CCNF: variants seen among roughly 807,000 people sequenced by gnomAD.
The protein encoded by CCNF is cyclin-F.
In CCNF, 30 loss-of-function variants were observed where a neutral mutation model predicts 85.4. That is an observed-to-expected ratio of 0.35 (90% CI 0.26 to 0.48). CCNF has a LOEUF of 0.48. CCNF is among the 20% of genes least tolerant of loss of function. CCNF has a pLI of 0.99. For synonymous variants in CCNF, 439 were observed against 425.1 expected (o/e 1.03, Z -0.40); for missense variants, 919 against 1,010.4 (o/e 0.91, Z 1.23).
At position 2,429,458 on chromosome 16, in the gene CCNF, G is replaced by T; in HGVS notation, c.-24G>T. 8.2e-7 allele frequency: 1 copy of T among 1,222,322 alleles called. No homozygotes were observed. The allele number at this position is 1,222,322 out of a possible 1,614,324, so 75.7% of individuals were successfully genotyped here. A position where few individuals can be genotyped will look rare whatever the true frequency, so the allele number is the denominator to read the frequency against. On this transcript the variant is annotated 5_prime_UTR_variant, in exon 1 of 17. Transcript: ENST00000397066. ...GCGGGCGCGCTCTCAGGCGGGCTCC[G>T]GCGGCAGCGACGCGAGCGCGGCGAT...
rs1440949823 is a variant in CCNF at position 2,437,177 on chromosome 16, C to G, written c.395C>G (p.Ser132Cys). The change falls in exon 5 of 17, where the codon TCT becomes TGT. Residue 132 changes from serine to cysteine, a missense_variant. Around this residue, in one of 3 missense-constraint regions of CCNF, gnomAD observed 410 missense variants for 478.6 expected, o/e 0.86. Transcript: ENST00000397066. Reference protein sequence around the residue: ...ARAEVNGLKASRFFSLAERLN... With the variant: ...ARAEVNGLKACRFFSLAERLN... ...GCAGAAGTGAATGGCCTGAAGGCCT[C>G]TCGCTTCTTCAGTCTCGCTGAGCGG... The G allele has an allele frequency of 1.2e-6, 2 of 1,611,556 alleles. No homozygotes were observed. The highest frequency in any genetic ancestry group is 1.7e-5 in the Admixed American group (1 of 59,930).
chr16:2,437,017 C>T, intron 4 of CCNF, 112 bp from the exon 5 acceptor site: 2 of 870,630 alleles, frequency 2.3e-6, no homozygotes, highest in Non-Finnish European at 3.4e-6. Flanking sequence ...AACACAGCTG[C>T]TTTGCACTAT....
Position 2,457,563 on chromosome 16 carries a change from T to C in CCNF, c.*543T>C. The C allele has an allele frequency of 6.4e-6, 1 of 156,208 alleles. No individual in the cohort carries two copies. The highest frequency in any genetic ancestry group is 6.2e-5 in the Admixed American group (1 of 16,104). 9.7% of individuals were successfully genotyped at this position (156,208 alleles called of 1,614,324 possible). ...GTGGGGCTTCCATGGTAAGGGGGCCTGCGTCCCTGCACACTGCGAGGACTG... is the reference window on the plus strand; with the variant it reads ...GTGGGGCTTCCATGGTAAGGGGGCCCGCGTCCCTGCACACTGCGAGGACTG... On this transcript the variant is annotated 3_prime_UTR_variant, in exon 17 of 17. Coordinates refer to ENST00000397066, the MANE Select transcript of CCNF (RefSeq NM_001761.3).
At chr16:2,432,656 C>G (rs1044319975) in intron 2 of CCNF, among the ~76,000 whole-genome samples, 1 of 152,152 alleles carries the variant, frequency 6.6e-6, no homozygotes, top group Non-Finnish European at 1.5e-5. Flanking sequence ...GAGTGTTTCC[C>G]CTGTCTTTGG....
intron 10 of CCNF, among the ~76,000 whole-genome samples, chr16:2,445,837 T>TTA (rs2065359607): frequency 6.6e-6 from 1 of 151,930 alleles, no homozygotes; most frequent in Non-Finnish European, 1.5e-5. Flanking sequence ...AAGTGATTCT[T>TTA]CTGCCTCAGC....
chr16:2,453,399 C>G lies in CCNF; in HGVS notation c.1588-11C>G, dbSNP rs374561010. On this transcript the variant is annotated splice_polypyrimidine_tract_variant and intron_variant, in intron 14 of 16. Coordinates refer to ENST00000397066, the MANE Select transcript of CCNF (RefSeq NM_001761.3). The surrounding 1 kb of genome is among the most constrained non-coding windows in gnomAD (Gnocchi z 5.6). Reference sequence around the variant, plus strand: ...GGGCCTCTGCACCCCCTAACTCTAGCTTCCCCTCAGGTGCTGAGCTACAGC... The same window carrying G: ...GGGCCTCTGCACCCCCTAACTCTAGGTTCCCCTCAGGTGCTGAGCTACAGC... 70 of 1,613,984 alleles carry G rather than the reference C, an allele frequency of 4.3e-5. No homozygotes were observed. In the African/African-American group the frequency reaches 8.3e-4, roughly 19 times the overall value.
At chr16:2,440,131 T>G (rs527349381) in intron 8 of CCNF, among the ~76,000 whole-genome samples, 44 of 152,342 alleles carry the variant, frequency 2.9e-4, no homozygotes, top group African/African-American at 1.0e-3. Context: ...GTGCCATTCT[T>G]GAAAGTTGTC....
chr16:2,449,978 G>A (rs1165289603), intron 13 of CCNF, 63 bp downstream of exon 13: 13 of 1,154,638 alleles, frequency 1.1e-5, no homozygotes, highest in South Asian at 3.7e-5. Context: ...AGGCCGAGGC[G>A]GGCAGATCAT....
chr16:2,456,752 C>T lies in CCNF; in HGVS notation c.2093C>T (p.Thr698Met), dbSNP rs201460257. 2.1e-5 allele frequency: 34 copies of T among 1,612,320 alleles called. No homozygotes were observed. The East Asian group carries it at 6.0e-4, about 29-fold the overall frequency. ...AGCCGGGAGCCAGGGAAGGACGTCA[C>T]GACCTCAGGGTACTCCTCCGTCAGC... ...RTSREPGKDV[T>M]TSGYSSVSTA... Residue 698 changes from threonine to methionine, a missense_variant, in exon 17 of 17, where the codon ACG becomes ATG. Transcript: ENST00000397066. This position sits in a 1 kb window ranked among gnomAD's most constrained non-coding sequence, Gnocchi z 4.5.
intron 6 of CCNF, 99 bp from the exon 7 acceptor site, chr16:2,439,254 C>T (rs950866052): frequency 6.2e-6 from 6 of 968,970 alleles, no homozygotes; most frequent in African/African-American, 3.2e-5. Flanking sequence ...GCCAGGATGG[C>T]GCCATTGCAC....
chr16:2,435,978 C>T lies in CCNF; in HGVS notation c.346+105C>T, dbSNP rs2065288998. 5.3e-6 allele frequency: 4 copies of T among 748,560 alleles called. No homozygotes were observed. The Admixed American group carries it at 6.7e-5, about 13-fold the overall frequency. 46.4% of individuals were successfully genotyped at this position (748,560 alleles called of 1,614,324 possible). A position where few individuals can be genotyped will look rare whatever the true frequency, so the allele number is the denominator to read the frequency against. Reference sequence around the variant, plus strand: ...TAGCAGTTCAGTTGCTGTCCTTGCTCTATCCGATGGCCTGCCTCCCCATTC... The same window carrying T: ...TAGCAGTTCAGTTGCTGTCCTTGCTTTATCCGATGGCCTGCCTCCCCATTC... On this transcript the variant is annotated intron_variant, in intron 4 of 16. Coordinates refer to ENST00000397066, the MANE Select transcript of CCNF (RefSeq NM_001761.3).
At chr16:2,437,393 G>T (rs2065297297) in intron 5 of CCNF, 71 bp downstream of exon 5, 3 of 1,227,486 alleles carry the variant, frequency 2.4e-6, no homozygotes, top group Non-Finnish European at 2.2e-6. Context: ...GACCCCGAGG[G>T]TAGATCCTGG....
chr16:2,455,682 CG>C (rs1381079210), intron 16 of CCNF, 118 bp downstream of exon 16: 1 of 1,401,024 alleles, frequency 7.1e-7, no homozygotes, highest in African/African-American at 1.4e-5. Context: ...GCACAGAGTG[CG>C]GGGTGGGGCC....
intron 4 of CCNF, 97 bp from the exon 5 acceptor site, chr16:2,437,032 G>A (rs757283933): frequency 5.2e-5 from 53 of 1,028,962 alleles, no homozygotes; most frequent in Non-Finnish European, 6.3e-5. Flanking sequence ...CACTATGGTG[G>A]GCTTCAGGCA....
chr16:2,455,588 C>G (rs751843617), intron 16 of CCNF, 24 bp downstream of exon 16: 1 of 1,576,046 alleles, frequency 6.3e-7, no homozygotes, highest in South Asian at 1.1e-5. Context: ...CAGGGTGCAC[C>G]AGAAGGGACA....
chr16:2,456,089 A>T lies in CCNF; in HGVS notation c.1886-456A>T, dbSNP rs1033047206. Among the ~76,000 whole-genome samples the T allele has an allele frequency of 1.3e-5, 2 of 152,156 alleles. No homozygotes were observed. The highest frequency in any genetic ancestry group is 4.8e-5 in the African/African-American group (2 of 41,440). Reference sequence around the variant, plus strand: ...GGTGGGAGGATCTCTTGAGCACAGGAGGTGGGAGCTGCAGTGAGCCGTGAT... The same window carrying T: ...GGTGGGAGGATCTCTTGAGCACAGGTGGTGGGAGCTGCAGTGAGCCGTGAT... On this transcript the variant is annotated intron_variant, in intron 16 of 16. Transcript: ENST00000397066. This position sits in a 1 kb window ranked among gnomAD's most constrained non-coding sequence, Gnocchi z 4.5.
intron 8 of CCNF, among the ~76,000 whole-genome samples, chr16:2,440,472 C>T (rs2141819683): frequency 6.6e-6 from 1 of 152,138 alleles, no homozygotes; most frequent in East Asian, 1.9e-4. Flanking sequence ...CAAAAATTAG[C>T]TGGGCGTGGT....
At chr16:2,448,709 C>T (rs983634524) in intron 10 of CCNF, 146 bp from the exon 11 acceptor site, 2 of 712,676 alleles carry the variant, frequency 2.8e-6, no homozygotes, top group Non-Finnish European at 4.8e-6. Flanking sequence ...AGGCAGCTGG[C>T]TCCATTATGA....
rs148105729 is a variant in CCNF at position 2,455,453 on chromosome 16, G to C, written c.1774G>C (p.Glu592Gln). 8.4e-5 allele frequency: 134 copies of C among 1,600,704 alleles called. No homozygotes were observed. Among genetic ancestry groups the C allele is most frequent in the Non-Finnish European group, 1.1e-4 (127 of 1,169,590 alleles). Reference protein sequence around the residue: ...RGSFVTTPTAELSSQEETLLG... With the variant: ...RGSFVTTPTAQLSSQEETLLG... ...CAGCTTCGTTACCACCCCCACTGCGGAGCTGTCCAGCCAGGAGGAGACGCT... is the reference window on the plus strand; with the variant it reads ...CAGCTTCGTTACCACCCCCACTGCGCAGCTGTCCAGCCAGGAGGAGACGCT... The change falls in exon 16 of 17, where the codon GAG (glutamate) becomes CAG (glutamine). Residue 592 changes from glutamate (E) to glutamine (Q), a missense_variant. Physicochemically the swap from Glu to Gln is conservative, Grantham distance 29. This residue lies in a region of CCNF where 505 missense variants were observed against 514.8 expected (regional missense o/e 0.98). Transcript: ENST00000397066.
Sources: gnomAD v4.1 joint callset for allele counts (sites outside exome capture counted in the v4.1 genomes callset) on GRCh38, gnomAD v4.1.1 for gene constraint, gnomAD v4.1.1 regional missense constraint, Gnocchi (gnomAD v3.1) non-coding constraint, MANE v1.5 for transcripts, NCBI Gene and HGNC (gene_info 2026-07-23, HGNC 2026-07-21) for gene names.